Variants in MACROD2 observed in about 807,000 individuals in gnomAD.
The protein encoded by MACROD2 is ADP-ribose glycohydrolase MACROD2.
A neutral mutation model predicts 70.4 loss-of-function variants in MACROD2; 36 were observed. The ratio of observed to expected loss-of-function variants is 0.51; its 90% confidence interval spans 0.39 to 0.68. MACROD2 has a LOEUF of 0.68. Among genes scored for constraint, MACROD2 ranks in the 30% least tolerant of loss-of-function variants. MACROD2 has a pLI of 0.00. For synonymous variants in MACROD2, 172 were observed against 178.8 expected (o/e 0.96, Z 0.30); for missense variants, 496 against 538.4 (o/e 0.92, Z 0.78).
chr20:14,854,466 C>T (rs544745739), intron 5 of MACROD2, among the ~76,000 whole-genome samples: 1 of 152,080 alleles, frequency 6.6e-6, no homozygotes, highest in Non-Finnish European at 1.5e-5. Context: ...CCTGGAATGT[C>T]CTACTAAGCA....
In MACROD2 at chr20:14,720,536, C is replaced by CTTTTTTTTTTTTTTTTTTTTTTTTTTT. The variant is rs753673265; in HGVS notation, c.418+35585_418+35611dup. ...GTTTCATTTCCCAGCTGCCCCACAA[C>CTTTTTTTTTTTTTTTTTTTTTTTTTTT]TTTTTTTTTTTTTTTTTTTTTTTTT... is the stretch of plus-strand genomic sequence containing the variant. On this transcript the variant is annotated intron_variant, in intron 5 of 17. Transcript: ENST00000684519. Among the ~76,000 whole-genome samples, 4 of 35,946 alleles carry CTTTTTTTTTTTTTTTTTTTTTTTTTTT rather than the reference C, an allele frequency of 1.1e-4. 1 individual carries two copies. Among genetic ancestry groups the CTTTTTTTTTTTTTTTTTTTTTTTTTTT allele is most frequent in the African/African-American group, 2.2e-4 (2 of 9,260 alleles). The allele number at this position is 35,946 out of a possible 152,430, so 23.6% of individuals were successfully genotyped here.
intron 3 of MACROD2, among the ~76,000 whole-genome samples, chr20:14,214,247 C>G (rs1233847901): frequency 1.3e-5 from 2 of 152,010 alleles, no homozygotes; most frequent in African/African-American, 4.8e-5. Flanking sequence ...TTGTAGCCCC[C>G]CTGTATGGGA....
intron 8 of MACROD2, among the ~76,000 whole-genome samples, chr20:15,580,514 C>G (rs559862493): frequency 6.7e-4 from 102 of 152,300 alleles, no homozygotes; most frequent in African/African-American, 2.4e-3. Context: ...CAGTCTAGTC[C>G]ACTGGGTTTC....
At chr20:14,065,878 T>C (rs1450357238) in intron 2 of MACROD2, among the ~76,000 whole-genome samples, 1 of 152,170 alleles carries the variant, frequency 6.6e-6, no homozygotes, top group African/African-American at 2.4e-5. Context: ...TAACATTAAG[T>C]TACAAGACAA....
intron 10 of MACROD2, among the ~76,000 whole-genome samples, chr20:15,904,075 A>G (rs926561773): frequency 4.8e-4 from 73 of 152,290 alleles, no homozygotes; most frequent in Middle Eastern, 3.4e-3. Context: ...ACAGTTCTTC[A>G]CTATTCATAC....
intron 8 of MACROD2, among the ~76,000 whole-genome samples, chr20:15,663,732 T>C (rs562909308): frequency 2.0e-5 from 3 of 152,270 alleles, no homozygotes; most frequent in African/African-American, 7.2e-5. Context: ...GCATATCTTA[T>C]CCATAGCATG....
At chr20:16,026,407 A>G (rs1304433577) in intron 15 of MACROD2, among the ~76,000 whole-genome samples, 1 of 152,134 alleles carries the variant, frequency 6.6e-6, no homozygotes, top group Non-Finnish European at 1.5e-5. Context: ...TTACTTGACT[A>G]TGCCTCCCCC....
chr20:15,406,545 G>A (rs1035214835), intron 6 of MACROD2, among the ~76,000 whole-genome samples: 2 of 152,148 alleles, frequency 1.3e-5, no homozygotes, highest in African/African-American at 2.4e-5. Flanking sequence ...AAGACCAAAT[G>A]GGCTTTTATT....
intron 6 of MACROD2, among the ~76,000 whole-genome samples, chr20:15,296,622 A>C (rs1300891691): frequency 1.3e-5 from 2 of 152,196 alleles, no homozygotes; most frequent in Non-Finnish European, 2.9e-5. Flanking sequence ...AGAAGCAGAG[A>C]TGCCAATCTC....
intron 3 of MACROD2, among the ~76,000 whole-genome samples, chr20:14,215,144 T>A (rs1601357083): frequency 1.4e-5 from 2 of 145,408 alleles, no homozygotes; most frequent in South Asian, 2.3e-4. Flanking sequence ...ATATATATAT[T>A]CCATCATATA....
chr20:14,177,076 T>C (rs1187340226), intron 3 of MACROD2, among the ~76,000 whole-genome samples: 5 of 152,186 alleles, frequency 3.3e-5, no homozygotes, highest in African/African-American at 1.2e-4. Flanking sequence ...CACTCAACAT[T>C]ATTAAGATGT....
At chr20:15,945,447 C>G (rs1175800248) in intron 12 of MACROD2, among the ~76,000 whole-genome samples, 1 of 152,148 alleles carries the variant, frequency 6.6e-6, no homozygotes, top group African/African-American at 2.4e-5. Context: ...TTTTTCCACT[C>G]TATTGCCACA....
intron 8 of MACROD2, among the ~76,000 whole-genome samples, chr20:15,700,269 T>C (rs2146894792): frequency 6.6e-6 from 1 of 152,306 alleles, no homozygotes; most frequent in African/African-American, 2.4e-5. Context: ...CCGTCTGACA[T>C]GATCCCAGGA....
At chr20:14,723,036 C>G (rs1043803549) in intron 5 of MACROD2, among the ~76,000 whole-genome samples, 1 of 152,208 alleles carries the variant, frequency 6.6e-6, no homozygotes, top group African/African-American at 2.4e-5. Context: ...ATCTGTAACC[C>G]AAACACCTCC....
At chr20:14,264,251 G>A (rs1418827712) in intron 3 of MACROD2, among the ~76,000 whole-genome samples, 1 of 152,108 alleles carries the variant, frequency 6.6e-6, no homozygotes, top group African/African-American at 2.4e-5. Flanking sequence ...TGAGATCCAA[G>A]TAAATATATT....
chr20:15,916,456 G>A (rs1475745204), intron 10 of MACROD2, among the ~76,000 whole-genome samples: 2 of 152,182 alleles, frequency 1.3e-5, no homozygotes, highest in African/African-American at 2.4e-5. Context: ...CTGCATACAC[G>A]CAAGAGGAGG....
intron 6 of MACROD2, among the ~76,000 whole-genome samples, chr20:15,351,841 A>G (rs987127124): frequency 4.6e-5 from 7 of 152,226 alleles, no homozygotes; most frequent in Admixed American, 2.0e-4. Context: ...TTTTAGGCCA[A>G]TTCCACAGAC....
intron 5 of MACROD2, among the ~76,000 whole-genome samples, chr20:15,043,986 C>T (rs1232740379): frequency 6.6e-6 from 1 of 152,188 alleles, no homozygotes; most frequent in Non-Finnish European, 1.5e-5. Context: ...GTGCTCAGCA[C>T]CCCTGAAACT....
intron 3 of MACROD2, among the ~76,000 whole-genome samples, chr20:14,472,906 G>A (rs2084546426): frequency 6.6e-6 from 1 of 152,046 alleles, no homozygotes; most frequent in Non-Finnish European, 1.5e-5. Flanking sequence ...CTGTGTGTGT[G>A]GTCTGGGCCT....
Sources: gnomAD v4.1 joint callset for allele counts (sites outside exome capture counted in the v4.1 genomes callset) on GRCh38, gnomAD v4.1.1 for gene constraint, MANE v1.5 for transcripts, NCBI Gene and HGNC (gene_info 2026-07-23, HGNC 2026-07-21) for gene names.